The following HOOK3 variants were observed in gnomAD, a reference collection of about 807,000 sequenced individuals.
The protein encoded by HOOK3 is protein Hook homolog 3.
HOOK3 carries 24 observed loss-of-function variants against 116.3 expected under a neutral mutation model. The ratio of observed to expected loss-of-function variants is 0.21; its 90% CI spans 0.15 to 0.29. HOOK3 has a LOEUF of 0.29. HOOK3 is among the 10% of genes least tolerant of loss of function. HOOK3 has a pLI of 1.00. For synonymous variants in HOOK3, 275 were observed against 283.0 expected (o/e 0.97, Z 0.28); for missense variants, 632 against 830.2 (o/e 0.76, Z 2.93).
At chr8:42,971,158 G>A (rs1808720197) in intron 11 of HOOK3, among the ~76,000 whole-genome samples, 1 of 151,882 alleles carries the variant, frequency 6.6e-6, no homozygotes, top group Non-Finnish European at 1.5e-5. Flanking sequence ...AGTACAACTT[G>A]GAGTAAAAAT....
intron 8 of HOOK3, among the ~76,000 whole-genome samples, chr8:42,959,792 A>G (rs549830540): frequency 1.3e-5 from 2 of 152,106 alleles, no homozygotes; most frequent in South Asian, 4.1e-4. Flanking sequence ...TTCACAAATA[A>G]CAGACAAAAA....
chr8:42,909,415 C>A (rs564203215), intron 2 of HOOK3, among the ~76,000 whole-genome samples: 2 of 152,288 alleles, frequency 1.3e-5, no homozygotes, highest in Non-Finnish European at 2.9e-5. Context: ...GCGAATGGAT[C>A]GATGAGAAAG....
chr8:43,016,274 C>G (rs561566749), intron 21 of HOOK3, among the ~76,000 whole-genome samples: 4 of 152,120 alleles, frequency 2.6e-5, no homozygotes, highest in Non-Finnish European at 5.9e-5. Flanking sequence ...CCCGACACCA[C>G]GCCTGGCTAA....
intron 5 of HOOK3, among the ~76,000 whole-genome samples, chr8:42,948,754 T>C (rs1240050537): frequency 3.3e-5 from 5 of 152,212 alleles, no homozygotes; most frequent in Admixed American, 6.5e-5. Context: ...CCAACACTCA[T>C]AGGGTGATTC....
At chr8:43,010,850 G>T (rs953113991) in intron 19 of HOOK3, among the ~76,000 whole-genome samples, 1 of 152,086 alleles carries the variant, frequency 6.6e-6, no homozygotes, top group Non-Finnish European at 1.5e-5. Context: ...TCAAAATTTG[G>T]AATAGAAGTC....
At position 43,019,053 on chromosome 8, in the gene HOOK3, C is replaced by T. The variant is rs1189793192; in HGVS notation, c.*555C>T. The T allele has an allele frequency of 4.8e-6, 1 of 207,858 alleles. No individual in the cohort carries two copies. The highest frequency in any genetic ancestry group is 2.3e-5 in the African/African-American group (1 of 43,988). The allele number at this position is 207,858 out of a possible 1,614,324, so 12.9% of individuals were successfully genotyped here. A position where few individuals can be genotyped will look rare whatever the true frequency, so the allele number is the denominator to read the frequency against. On this transcript the variant is annotated 3_prime_UTR_variant, in exon 22 of 22. Transcript: ENST00000307602. ...TGGCAGAGGTGCTAATCACATCTTC[C>T]CTAAGGCACCTGGAAGAATTATTTG...
chr8:42,897,669 G>C (rs1000358407), intron 1 of HOOK3, among the ~76,000 whole-genome samples: 1 of 152,224 alleles, frequency 6.6e-6, no homozygotes, highest in Non-Finnish European at 1.5e-5. Context: ...CGCGAGGGGC[G>C]GACGCCTGTC....
intron 1 of HOOK3, among the ~76,000 whole-genome samples, chr8:42,902,904 T>C (rs1372733409): frequency 6.6e-6 from 1 of 152,208 alleles, no homozygotes; most frequent in Non-Finnish European, 1.5e-5. Flanking sequence ...TCCTCACTGC[T>C]GCCTCTATTT....
Position 43,018,443 on chromosome 8 carries a change from C to T in HOOK3, c.2102C>T (p.Ala701Val), listed in dbSNP as rs752522567. 18 of 1,613,628 alleles carry T rather than the reference C, an allele frequency of 1.1e-5. No homozygotes were observed. The highest frequency in any genetic ancestry group is 2.2e-5 in the East Asian group (1 of 44,882). Residue 701 changes from alanine (A) to valine (V), a missense_variant, in exon 22 of 22, where the codon GCG becomes GTG. By Grantham distance (64) the Ala-to-Val change is moderately conservative (BLOSUM62 0). Transcript: ENST00000307602. ...GQSFLARQRQ[A>V]TSSRRSYPGH... ...TCATTTCTGGCGAGGCAGAGGCAAG[C>T]GACCAGCAGCAGAAGATCATACCCA...
At chr8:42,907,986 A>C (rs1179172486) in intron 2 of HOOK3, among the ~76,000 whole-genome samples, 2 of 152,178 alleles carry the variant, frequency 1.3e-5, no homozygotes, top group Admixed American at 1.3e-4. Flanking sequence ...AGGATACAAA[A>C]TCAACCTACA....
chr8:43,029,221 C>G lies in HOOK3; in HGVS notation c.*10723C>G, dbSNP rs1809987532. The G allele has an allele frequency of 5.9e-6, 1 of 168,526 alleles. No homozygotes were observed. Among genetic ancestry groups the G allele is most frequent in the African/African-American group, 2.4e-5 (1 of 41,904 alleles). The allele number at this position is 168,526 out of a possible 1,614,324, so 10.4% of individuals were successfully genotyped here. A position where few individuals can be genotyped will look rare whatever the true frequency, so the allele number is the denominator to read the frequency against. On this transcript the variant is annotated 3_prime_UTR_variant, in exon 22 of 22. Coordinates refer to ENST00000307602, the MANE Select transcript of HOOK3 (RefSeq NM_032410.4). ...GGCTGGAGCAGTGGCACGATCTCGC[C>G]TCACTGCAACCTCCGCCTCCCAGGT...
rs1809929246 is a variant in HOOK3, at chr8:43,026,120, GA to G, written c.*7623del. The G allele has an allele frequency of 4.8e-6, 1 of 208,008 alleles. No individual in the cohort carries two copies. The highest frequency in any genetic ancestry group is 7.3e-5 in the East Asian group (1 of 13,666). 12.9% of individuals were successfully genotyped at this position (208,008 alleles called of 1,614,324 possible). ...TTAACACTTGAGTGGTAACTAGCTTGATGAAGGAAAATAATTACTTTAGCAG... is the reference window on the plus strand; with the variant it reads ...TTAACACTTGAGTGGTAACTAGCTTGTGAAGGAAAATAATTACTTTAGCAG... On this transcript the variant is annotated 3_prime_UTR_variant, in exon 22 of 22. Transcript: ENST00000307602.
At chr8:42,935,709 G>A (rs1807956696) in intron 4 of HOOK3, among the ~76,000 whole-genome samples, 1 of 152,110 alleles carries the variant, frequency 6.6e-6, no homozygotes, top group Non-Finnish European at 1.5e-5. Flanking sequence ...GTAGATGTGT[G>A]GCATTATTTC....
chr8:42,932,041 C>T (rs1807884753), intron 4 of HOOK3, among the ~76,000 whole-genome samples: 1 of 152,098 alleles, frequency 6.6e-6, no homozygotes, highest in African/African-American at 2.4e-5. Flanking sequence ...TGCCTGGCCA[C>T]CCCATTATAT....
intron 14 of HOOK3, among the ~76,000 whole-genome samples, 184 bp from the exon 15 acceptor site, chr8:42,986,471 T>G (rs1298545049): frequency 6.6e-6 from 1 of 152,244 alleles, no homozygotes; most frequent in Non-Finnish European, 1.5e-5. Flanking sequence ...AGAAAATATT[T>G]AAAACCTGAA....
chr8:42,897,224 T>TC (rs1393573375), intron 1 of HOOK3, 36 bp downstream of exon 1: 5 of 1,208,044 alleles, frequency 4.1e-6, no homozygotes, highest in Non-Finnish European at 5.2e-6. Context: ...GAAGACCCCC[T>TC]CCCCCCGCCA....
chr8:42,901,603 T>C (rs967752506), intron 1 of HOOK3, among the ~76,000 whole-genome samples: 1 of 152,208 alleles, frequency 6.6e-6, no homozygotes, highest in African/African-American at 2.4e-5. Context: ...CTGACCCTTA[T>C]GAGCAACTAT....
At chr8:42,992,673 G>A (rs1459108944) in intron 15 of HOOK3, among the ~76,000 whole-genome samples, 3 of 134,844 alleles carry the variant, frequency 2.2e-5, no homozygotes, top group South Asian at 2.3e-4. Flanking sequence ...CTGAGATCAC[G>A]CCACTGCCCT....
At chr8:43,003,545 A>G (rs1427070072) in intron 17 of HOOK3, among the ~76,000 whole-genome samples, 1 of 152,206 alleles carries the variant, frequency 6.6e-6, no homozygotes, top group Non-Finnish European at 1.5e-5. Flanking sequence ...ATGGTGAAAA[A>G]TCTTCATCAG....
Sources: allele counts gnomAD v4.1 joint callset (sites outside exome capture counted in the v4.1 genomes callset), GRCh38; gene constraint gnomAD v4.1.1; transcripts MANE v1.5; gene names NCBI Gene and HGNC (gene_info 2026-07-23, HGNC 2026-07-21).